Variants in RTL4 observed in about 807,000 individuals in gnomAD.
RTL4 encodes the protein retrotransposon Gag-like protein 4.
RTL4 carries 4 observed loss-of-function variants against 5.3 expected under a neutral mutation model. The observed-to-expected ratio is 0.75, with a 90% CI of 0.37 to 1.72. The LOEUF (loss-of-function observed/expected upper bound fraction) is 1.72. Ranked by LOEUF, RTL4 falls within the 40% of genes most tolerant of loss-of-function variation. RTL4 has a pLI of 0.04. For missense variants in RTL4, 260 were observed against 227.1 expected, an observed-to-expected ratio of 1.14 and a Z score of -0.93; for synonymous variants, 98 against 87.3, an observed-to-expected ratio of 1.12 and a Z score of -0.68.
At chrX:112,142,201 G>A in the RTL4 span, among the ~76,000 whole-genome samples, 1 of 112,417 alleles carries the variant, frequency 8.9e-6, no homozygotes, top group Non-Finnish European at 1.9e-5. Flanking sequence ...GACAAGAAAA[G>A]ACCAGCACTA....
chrX:112,220,810 T>C, the RTL4 span, among the ~76,000 whole-genome samples: 2 of 111,977 alleles, frequency 1.8e-5, no homozygotes, highest in Non-Finnish European at 1.9e-5. Flanking sequence ...CCATCTGAGA[T>C]CGCCTCAGCC....
At chrX:112,455,604 T>C in exon 1 of RTL4, 1 of 1,210,985 alleles carries the variant, frequency 8.3e-7, no homozygotes. Flanking sequence ...TCACAAGAGA[T>C]TGCCTTGCCA....
At chrX:112,455,196 C>T (rs1229035348) in exon 1 of RTL4, 1 of 1,211,137 alleles carries the variant, frequency 8.3e-7, no homozygotes, top group Non-Finnish European at 1.1e-6. Context: ...ACAAAGGAGA[C>T]AACTCCTCTC....
the RTL4 span, among the ~76,000 whole-genome samples, chrX:112,259,914 G>A: frequency 2.5e-4 from 28 of 111,858 alleles, no homozygotes; most frequent in African/African-American, 9.1e-4. Flanking sequence ...CAATGGTTAG[G>A]AAATTTTGCC....
chrX:112,345,815 C>T, the RTL4 span, among the ~76,000 whole-genome samples: 5 of 111,555 alleles, frequency 4.5e-5, no homozygotes, highest in Non-Finnish European at 7.5e-5. Flanking sequence ...AATTTGACCC[C>T]TAGTTCTGGT....
At chrX:112,402,331 A>G in the RTL4 span, among the ~76,000 whole-genome samples, 257 of 109,349 alleles carry the variant, frequency 2.4e-3, 3 homozygotes, top group Admixed American at 9.5e-3. Context: ...GGTGTTTATC[A>G]ATAAATCCTC....
the RTL4 span, among the ~76,000 whole-genome samples, chrX:112,290,717 T>C: frequency 1.8e-5 from 2 of 112,020 alleles, no homozygotes; most frequent in East Asian, 5.6e-4. Context: ...TATAGTAATA[T>C]AATATTTAGC....
At chrX:112,174,134 A>G in the RTL4 span, among the ~76,000 whole-genome samples, 4 of 102,321 alleles carry the variant, frequency 3.9e-5, no homozygotes, top group African/African-American at 1.4e-4. Context: ...ACAATGTGCC[A>G]GTTAGTTACA....
At chrX:112,177,966 T>TA in the RTL4 span, among the ~76,000 whole-genome samples, 475 of 99,514 alleles carry the variant, frequency 4.8e-3, 1 homozygote, top group Middle Eastern at 0.01. Flanking sequence ...ATAGCTTCAT[T>TA]AAAAAAAAAA....
the RTL4 span, among the ~76,000 whole-genome samples, chrX:112,098,149 C>T: frequency 7.3e-5 from 7 of 95,949 alleles, no homozygotes; most frequent in African/African-American, 2.3e-4. Flanking sequence ...GTGATGTTCC[C>T]CTTCCTGTGT....
chrX:112,128,023 A>G, the RTL4 span, among the ~76,000 whole-genome samples: 1 of 112,088 alleles, frequency 8.9e-6, no homozygotes, highest in Non-Finnish European at 1.9e-5. Flanking sequence ...TGTAATATAT[A>G]TCAAAATTCC....
the RTL4 span, among the ~76,000 whole-genome samples, chrX:112,128,602 G>A: frequency 3.0e-5 from 3 of 101,108 alleles, no homozygotes; most frequent in South Asian, 1.5e-3. Context: ...AGGTTGCAGT[G>A]AGCAGAGATT....
the RTL4 span, among the ~76,000 whole-genome samples, chrX:112,153,122 T>C: frequency 8.9e-6 from 1 of 112,176 alleles, no homozygotes; most frequent in Non-Finnish European, 1.9e-5. Context: ...GACATCAGAA[T>C]TGATTTTCTT....
chrX:112,130,441 G>A, the RTL4 span, among the ~76,000 whole-genome samples: 1 of 109,813 alleles, frequency 9.1e-6, no homozygotes, highest in East Asian at 2.8e-4. Flanking sequence ...TGACACAAGA[G>A]CCTTCAAAGT....
the RTL4 span, among the ~76,000 whole-genome samples, chrX:112,264,845 T>C: frequency 8.9e-6 from 1 of 112,419 alleles, no homozygotes. Context: ...GGACTTGGTG[T>C]CTAAGAGTTT....
the RTL4 span, among the ~76,000 whole-genome samples, chrX:112,309,409 A>C: frequency 6.3e-5 from 7 of 111,067 alleles, no homozygotes; most frequent in African/African-American, 2.3e-4. Context: ...ATCATATTGG[A>C]GGTTAGGGCT....
chrX:112,418,051 G>A, the RTL4 span, among the ~76,000 whole-genome samples: 1 of 111,156 alleles, frequency 9.0e-6, no homozygotes, highest in African/African-American at 3.3e-5. Context: ...GGGAGGCTGA[G>A]GCATGATGAT....
chrX:112,139,605 A>G, the RTL4 span, among the ~76,000 whole-genome samples: 1 of 112,338 alleles, frequency 8.9e-6, no homozygotes, highest in South Asian at 3.7e-4. Context: ...TTCCTTCTAC[A>G]TTTATTAATT....
At chrX:112,173,781 T>C in the RTL4 span, among the ~76,000 whole-genome samples, 1 of 110,566 alleles carries the variant, frequency 9.0e-6, no homozygotes, top group African/African-American at 3.3e-5. Flanking sequence ...TTTAGATGTT[T>C]TGATACTTTA....
Sources: allele counts gnomAD v4.1 joint callset (sites outside exome capture counted in the v4.1 genomes callset), GRCh38; gene constraint gnomAD v4.1.1; transcripts MANE v1.5; gene names NCBI Gene and HGNC (gene_info 2026-07-23, HGNC 2026-07-21).